The following NRXN1 variants were observed in gnomAD, a reference collection of about 807,000 sequenced individuals.
The protein encoded by NRXN1 is neurexin 1.
NRXN1 carries 39 observed loss-of-function variants against 150.9 expected under a neutral mutation model. That is an observed-to-expected ratio of 0.26 (90% CI 0.20 to 0.34). The LOEUF (loss-of-function observed/expected upper bound fraction) is 0.34. Ranked by LOEUF, NRXN1 falls within the 10% of genes least tolerant of loss-of-function variation. The pLI is 1.00. For synonymous variants in NRXN1, 924 were observed against 757.0 expected, an observed-to-expected ratio of 1.22 and a Z score of -3.62; for missense variants, 1,815 against 1,949.9, an observed-to-expected ratio of 0.93 and a Z score of 1.30.
intron 17 of NRXN1, among the ~76,000 whole-genome samples, chr2:50,243,094 G>T (rs1191792094): frequency 2.6e-5 from 4 of 151,768 alleles, no homozygotes; most frequent in Non-Finnish European, 5.9e-5. Flanking sequence ...GAGTTCTGGT[G>T]TTCTGTTGCA....
At chr2:50,662,576 G>GT (rs71226719) in intron 5 of NRXN1, among the ~76,000 whole-genome samples, 34,626 of 151,432 alleles carry the variant, frequency 0.23, 4,112 homozygotes, top group East Asian at 0.28. Flanking sequence ...AACACTATGA[G>GT]TTTTTTTTCT....
At chr2:50,973,858 T>G (rs1051074974) in intron 2 of NRXN1, among the ~76,000 whole-genome samples, 1 of 152,162 alleles carries the variant, frequency 6.6e-6, no homozygotes, top group Non-Finnish European at 1.5e-5. Context: ...ATCATGGTTA[T>G]AGATTTCTGG....
intron 5 of NRXN1, among the ~76,000 whole-genome samples, chr2:50,817,636 C>T (rs1669121003): frequency 6.6e-6 from 1 of 151,970 alleles, no homozygotes; most frequent in Non-Finnish European, 1.5e-5. Flanking sequence ...AATTTAACAG[C>T]ATATTAAAAG....
Position 50,971,254 on chromosome 2 carries a change from A to C in NRXN1, c.773-45299T>G, listed in dbSNP as rs191754898. ...CATAAACATAATGCTTGTTAGTGTC[A>C]AGTGGCTGAAATTCGATGATTCCAA... On this transcript the variant is annotated intron_variant, in intron 2 of 22. Transcript: ENST00000401669. 5.8e-4 allele frequency among the ~76,000 whole-genome samples: 88 copies of C among 152,288 alleles called. 1 individual carries two copies. The highest frequency in any genetic ancestry group is 1.2e-3 in the Non-Finnish European group (79 of 68,022).
At chr2:50,641,145 G>T (rs1684020060) in intron 5 of NRXN1, among the ~76,000 whole-genome samples, 2 of 152,046 alleles carry the variant, frequency 1.3e-5, no homozygotes. Context: ...ACAAAAAATG[G>T]TTTTTGCTTC....
chr2:50,190,156 TA>T (rs1381084091), intron 18 of NRXN1, among the ~76,000 whole-genome samples: 1 of 152,176 alleles, frequency 6.6e-6, no homozygotes, highest in African/African-American at 2.4e-5. Flanking sequence ...ATGAAAATGG[TA>T]AATATCATAA....
chr2:50,029,057 G>T (rs1042571770), intron 21 of NRXN1, among the ~76,000 whole-genome samples: 1 of 152,206 alleles, frequency 6.6e-6, no homozygotes, highest in South Asian at 2.1e-4. Context: ...ATTAGGAGGT[G>T]AAGTCTTTGA....
chr2:50,859,177 G>T (rs771734013), intron 5 of NRXN1, among the ~76,000 whole-genome samples: 50 of 151,756 alleles, frequency 3.3e-4, no homozygotes, highest in South Asian at 6.2e-4. Flanking sequence ...TGTCTCACAA[G>T]TGCAATTACC....
intron 18 of NRXN1, among the ~76,000 whole-genome samples, chr2:50,164,986 G>T (rs2059586685): frequency 6.6e-6 from 1 of 151,992 alleles, no homozygotes; most frequent in African/African-American, 2.4e-5. Flanking sequence ...GGAGAGAGAG[G>T]TGTCTACTCC....
At chr2:50,132,806 T>G (rs1705734118) in intron 18 of NRXN1, among the ~76,000 whole-genome samples, 1 of 151,708 alleles carries the variant, frequency 6.6e-6, no homozygotes, top group Admixed American at 6.6e-5. Context: ...TAGAGAATAG[T>G]CCAGTTAGGA....
chr2:50,672,339 G>T lies in NRXN1; in HGVS notation c.833-48724C>A, dbSNP rs540356630. On this transcript the variant is annotated intron_variant, in intron 5 of 22. Coordinates refer to ENST00000401669, the MANE Select transcript of NRXN1 (RefSeq NM_001330078.2). ...TTGTTTTTGTTTGTTTTTTAAAGTG[G>T]AGTGTAATTGCTAAAGTTAGTCTAA... Among the ~76,000 whole-genome samples the T allele has an allele frequency of 2.6e-5, 4 of 151,560 alleles. No individual in the cohort carries two copies. In the East Asian group the frequency reaches 7.8e-4, roughly 29 times the overall value.
chr2:50,617,896 C>A (rs1280340532), intron 8 of NRXN1, among the ~76,000 whole-genome samples: 1 of 152,172 alleles, frequency 6.6e-6, no homozygotes, highest in East Asian at 1.9e-4. Context: ...CAATTAACTA[C>A]AGTTTTATAC....
chr2:50,753,000 C>T (rs562597964), intron 5 of NRXN1, among the ~76,000 whole-genome samples: 14 of 151,956 alleles, frequency 9.2e-5, no homozygotes, highest in African/African-American at 2.9e-4. Context: ...TATATAAATA[C>T]TACTCAACTG....
chr2:50,436,167 C>T (rs1452287432), intron 17 of NRXN1, among the ~76,000 whole-genome samples: 1 of 152,096 alleles, frequency 6.6e-6, no homozygotes, highest in Non-Finnish European at 1.5e-5. Flanking sequence ...AAGTGTTTAA[C>T]ACAAGGCTGG....
intron 5 of NRXN1, among the ~76,000 whole-genome samples, chr2:50,685,540 G>T (rs1311175417): frequency 6.6e-6 from 1 of 151,956 alleles, no homozygotes; most frequent in Non-Finnish European, 1.5e-5. Context: ...TTTTCATTTG[G>T]ATTCATCACT....
In NRXN1 at chr2:50,424,295, A is replaced by AAGGAGGAGGAGGAGGAGGGGGAGG. The variant is rs1199844494; in HGVS notation, c.3364+41146_3364+41147insCCTCCCCCTCCTCCTCCTCCTCCT. On this transcript the variant is annotated intron_variant, in intron 17 of 22. Coordinates refer to ENST00000401669, the MANE Select transcript of NRXN1 (RefSeq NM_001330078.2). ...GGGGAAGGGGAGGGGGAGGAAGAAG[A>AAGGAGGAGGAGGAGGAGGGGGAGG]AGGAGGAGGAGGAGGGGGAGGAGGA... Among the ~76,000 whole-genome samples, 88 of 71,926 alleles carry AAGGAGGAGGAGGAGGAGGGGGAGG rather than the reference A, an allele frequency of 1.2e-3. 3 individuals are homozygous for AAGGAGGAGGAGGAGGAGGGGGAGG. In the Admixed American group the frequency reaches 0.016, roughly 13 times the overall value. 47.2% of individuals were successfully genotyped at this position (71,926 alleles called of 152,430 possible).
chr2:50,936,572 T>C (rs1472707303), intron 2 of NRXN1, among the ~76,000 whole-genome samples: 2 of 152,168 alleles, frequency 1.3e-5, no homozygotes, highest in African/African-American at 4.8e-5. Context: ...ACAATGTATA[T>C]CTTGCAGCTA....
rs1223396761 is a variant in NRXN1, at chr2:49,930,545, AAAAT to A, written c.4217-8298_4217-8295del. Among the ~76,000 whole-genome samples, 135 of 152,356 alleles carry A rather than the reference AAAAT, an allele frequency of 8.9e-4. 4 individuals are homozygous for A. Among genetic ancestry groups the A allele is most frequent in the Admixed American group, 8.8e-3 (134 of 15,308 alleles). The stretch of plus-strand genomic sequence containing the variant: ...TCCAATAACATCTATTAAATTTTTT[AAAAT>A]AAATAAATTCTCTCAACCGTATATC... On this transcript the variant is annotated intron_variant, in intron 22 of 22. Transcript: ENST00000401669.
chr2:49,933,086 T>C (rs974630111), intron 22 of NRXN1, among the ~76,000 whole-genome samples: 1 of 152,030 alleles, frequency 6.6e-6, no homozygotes, highest in African/African-American at 2.4e-5. Context: ...TTTGTTTATT[T>C]TTGTTTTTGT....
Sources: allele counts gnomAD v4.1 joint callset (sites outside exome capture counted in the v4.1 genomes callset), GRCh38; gene constraint gnomAD v4.1.1; transcripts MANE v1.5; gene names NCBI Gene and HGNC (gene_info 2026-07-23, HGNC 2026-07-21).